Variants in SIMC1 observed in about 807,000 individuals in gnomAD.
SIMC1 encodes the protein SUMO interacting motifs containing 1.
Under a neutral mutation model 82.3 loss-of-function variants are expected in SIMC1, and 55 were observed. That is an observed-to-expected ratio of 0.67 (90% confidence interval 0.54 to 0.84). The LOEUF (loss-of-function observed/expected upper bound fraction) is 0.84. SIMC1 is among the 40% of genes least tolerant of loss of function. The pLI is 0.00. For synonymous variants in SIMC1, 353 were observed against 426.3 expected (o/e 0.83, Z 2.12); for missense variants, 915 against 1,107.2 (o/e 0.83, Z 2.46).
chr5:176,273,917 G>A (rs1162339607), intron 1 of SIMC1, among the ~76,000 whole-genome samples: 1 of 151,718 alleles, frequency 6.6e-6, no homozygotes, highest in Non-Finnish European at 1.5e-5. Flanking sequence ...TTGGACATTT[G>A]GGTTGGTTCC....
At chr5:176,282,377 C>T (rs1763052274) in intron 1 of SIMC1, among the ~76,000 whole-genome samples, 1 of 152,248 alleles carries the variant, frequency 6.6e-6, no homozygotes, top group Non-Finnish European at 1.5e-5. Flanking sequence ...TGACCCCTTG[C>T]GCTTCCGGAG....
intron 9 of SIMC1, among the ~76,000 whole-genome samples, chr5:176,339,387 T>C (rs1766036230): frequency 6.6e-6 from 1 of 152,044 alleles, no homozygotes; most frequent in African/African-American, 2.4e-5. Context: ...GAGTATGTTG[T>C]CCAGTCCATG....
intron 4 of SIMC1, among the ~76,000 whole-genome samples, chr5:176,301,210 T>C (rs527573625): frequency 1.1e-4 from 16 of 152,094 alleles, no homozygotes; most frequent in Non-Finnish European, 1.9e-4. Flanking sequence ...AATTGAATCA[T>C]TGGGGCGGGT....
chr5:176,264,785 G>A (rs1473491123), intron 1 of SIMC1, among the ~76,000 whole-genome samples: 1 of 151,880 alleles, frequency 6.6e-6, no homozygotes, highest in African/African-American at 2.4e-5. Flanking sequence ...TTTGATTGTG[G>A]ACTGTGAGAT....
chr5:176,322,363 C>A lies in SIMC1; in HGVS notation c.1980C>A (p.Ile660=). The change falls in exon 6 of 10, where the codon ATC becomes ATA. Residue 660 remains isoleucine (I), a synonymous_variant. Coordinates refer to ENST00000429602, the MANE Select transcript of SIMC1 (RefSeq NM_001308195.2). ...NGNQTSSGTG[I]LKASSSHPSS... Reference sequence around the variant, plus strand: ...ATCAAACGTCTTCAGGAACAGGAATCTTGAAAGCCAGCAGTAGCCACCCTT... The same window carrying A: ...ATCAAACGTCTTCAGGAACAGGAATATTGAAAGCCAGCAGTAGCCACCCTT... The A allele has an allele frequency of 6.2e-7, 1 of 1,605,684 alleles. No homozygotes were observed. The highest frequency in any genetic ancestry group is 1.1e-5 in the South Asian group (1 of 88,966).
rs923505728 is a variant in SIMC1, at chr5:176,265,469, G to C, written c.130-24185G>C. ...TCGGGTCAGCAGTTTGCTGGTATAG[G>C]TGAATCTGACACTTCCAATTTCTTA... On this transcript the variant is annotated intron_variant, in intron 1 of 9. Transcript: ENST00000429602. 4.1e-4 allele frequency among the ~76,000 whole-genome samples: 63 copies of C among 152,240 alleles called. 3 individuals carry two copies.
intron 1 of SIMC1, among the ~76,000 whole-genome samples, chr5:176,276,439 A>AT (rs537743976): frequency 1.8e-4 from 25 of 141,598 alleles, no homozygotes; most frequent in Middle Eastern, 3.6e-3. Flanking sequence ...GGATTCATTA[A>AT]TTTTTTTTTC....
chr5:176,261,111 A>C lies in SIMC1; in HGVS notation c.129+22474A>C, dbSNP rs369417404. 4.6e-5 allele frequency: 7 copies of C among 151,760 alleles called. No individual in the cohort carries two copies. The East Asian group carries it at 9.7e-4, about 21-fold the overall frequency. 9.4% of individuals were successfully genotyped at this position (151,760 alleles called of 1,614,324 possible). On this transcript the variant is annotated intron_variant, in intron 1 of 9. Coordinates refer to ENST00000429602, the MANE Select transcript of SIMC1 (RefSeq NM_001308195.2). ...AACCTCTGCCTCCCGGGTTCAAGTG[A>C]TTCTCCTGCCTCAGCTTCCTGAGTA...
intron 5 of SIMC1, among the ~76,000 whole-genome samples, chr5:176,316,858 A>G (rs1436911080): frequency 6.6e-6 from 1 of 151,280 alleles, no homozygotes; most frequent in Non-Finnish European, 1.5e-5. Flanking sequence ...ATGGTGGTGC[A>G]CTTCTGTAAT....
chr5:176,313,666 T>A (rs567565220), intron 4 of SIMC1, 25 bp from the exon 5 acceptor site: 3 of 1,612,174 alleles, frequency 1.9e-6, no homozygotes, highest in African/African-American at 1.3e-5. Flanking sequence ...GAAGAAAGAC[T>A]GACTTCTCAT....
At chr5:176,305,083 C>T (rs1324543172) in intron 4 of SIMC1, among the ~76,000 whole-genome samples, 3 of 132,506 alleles carry the variant, frequency 2.3e-5, no homozygotes, top group African/African-American at 5.4e-5. Context: ...CCACCCCGTC[C>T]GGGAGGGAGG....
At chr5:176,322,889 G>A (rs1165563168) in intron 6 of SIMC1, 1 of 154,132 alleles carries the variant, frequency 6.5e-6, no homozygotes, top group Non-Finnish European at 1.4e-5. Flanking sequence ...CACCAGGGCA[G>A]GTATCATCAC....
At chr5:176,330,058 G>A (rs1247355712) in intron 7 of SIMC1, among the ~76,000 whole-genome samples, 1 of 152,038 alleles carries the variant, frequency 6.6e-6, no homozygotes, top group South Asian at 2.1e-4. Flanking sequence ...TAGTAGCAGT[G>A]GAGCACACCT....
intron 1 of SIMC1, among the ~76,000 whole-genome samples, chr5:176,262,413 T>A (rs1174340142): frequency 6.6e-6 from 1 of 151,976 alleles, no homozygotes; most frequent in Non-Finnish European, 1.5e-5. Flanking sequence ...GCATTCCTAC[T>A]AAGATCAGGG....
At chr5:176,246,432 GTGTGTGTGTGTGTGTGTTGTT>G (rs1761446999) in intron 1 of SIMC1, among the ~76,000 whole-genome samples, 1 of 148,798 alleles carries the variant, frequency 6.7e-6, no homozygotes, top group Non-Finnish European at 1.5e-5. Context: ...GTGTGTGTGT[GTGTGTGTGTGTGTGTGTTGTT>G]TGTTTGTTTG....
chr5:176,245,696 G>A (rs1311427949), intron 1 of SIMC1, among the ~76,000 whole-genome samples: 1 of 152,092 alleles, frequency 6.6e-6, no homozygotes, highest in Non-Finnish European at 1.5e-5. Context: ...ATTTATTCAG[G>A]AATGGCATTG....
chr5:176,333,718 C>T (rs998937541), intron 7 of SIMC1, among the ~76,000 whole-genome samples: 2 of 152,172 alleles, frequency 1.3e-5, no homozygotes, highest in Non-Finnish European at 2.9e-5. Flanking sequence ...GTGTGAGCCA[C>T]TGTACCTGGC....
chr5:176,288,293 A>G (rs1254665678), intron 1 of SIMC1, among the ~76,000 whole-genome samples: 2 of 152,178 alleles, frequency 1.3e-5, no homozygotes, highest in Non-Finnish European at 2.9e-5. Flanking sequence ...CTGTAATCCC[A>G]GCTACTTGGG....
intron 4 of SIMC1, chr5:176,308,167 G>T (rs755567534): frequency 9.4e-6 from 11 of 1,175,386 alleles, no homozygotes; most frequent in Non-Finnish European, 1.4e-5. Context: ...AGGAAGTGAT[G>T]GGGCTGTGGA....
Sources: gnomAD v4.1 joint callset for allele counts (sites outside exome capture counted in the v4.1 genomes callset) on GRCh38, gnomAD v4.1.1 for gene constraint, MANE v1.5 for transcripts, NCBI Gene and HGNC (gene_info 2026-07-23, HGNC 2026-07-21) for gene names.